Variants in HERC5 observed in about 807,000 individuals in gnomAD.
HERC5 encodes the protein E3 ISG15--protein ligase HERC5.
Under a neutral mutation model 119.6 loss-of-function variants are expected in HERC5, and 99 were observed. That is an observed-to-expected ratio of 0.83 (90% CI 0.70 to 0.98). The LOEUF is 0.98. Ranked by LOEUF, HERC5 falls within the 50% of genes least tolerant of loss-of-function variation. The probability of loss-of-function intolerance (pLI) is 0.00; values close to 1 mark genes in which losing one functional copy is unlikely to be tolerated. For synonymous variants in HERC5, 478 were observed against 445.9 expected, an observed-to-expected ratio of 1.07 and a Z score of -0.91; for missense variants, 1,267 against 1,241.3, an observed-to-expected ratio of 1.02 and a Z score of -0.31.
intron 13 of HERC5, among the ~76,000 whole-genome samples, chr4:88,484,637 CA>C: frequency 6.6e-6 from 1 of 152,268 alleles, no homozygotes; most frequent in Non-Finnish European, 1.5e-5. Flanking sequence ...ATTGATATGG[CA>C]GTGGAGGAAA....
Position 88,487,104 on chromosome 4 carries a change from C to T in HERC5, c.1887C>T (p.Phe629=), listed in dbSNP as rs933844831. The T allele has an allele frequency of 6.2e-7, 1 of 1,611,598 alleles. No individual in the cohort carries two copies. Among genetic ancestry groups the T allele is most frequent in the South Asian group, 1.1e-5 (1 of 90,842 alleles). The change falls in exon 15 of 23, where the codon TTC becomes TTT. Residue 629 remains phenylalanine (F), a synonymous_variant. Transcript: ENST00000264350. ...ASENVQCCVI[F]SHFPFIFNNL... ...AAAATGTACAATGCTGCGTCATATT[C>T]AGTCACTTTCCATTTATCTTTAATA...
At chr4:88,457,829 A>C in intron 1 of HERC5, 2 of 841,290 alleles carry the variant, frequency 2.4e-6, no homozygotes, top group East Asian at 4.0e-5. Context: ...TGGCTTTCTC[A>C]TAGGTTTCTG....
rs1175385256 is a variant in HERC5, at chr4:88,489,280, G to GAAC, written c.2078_2079insACA (p.Asp693delinsGluHis). On this transcript the variant is annotated protein_altering_variant, in exon 16 of 23. Transcript: ENST00000264350. The stretch of plus-strand genomic sequence containing the variant: ...AGTCAGAAGGAATCACTTGATTGAG[G>GAAC]ATGTTTTGAATCAGCTAAGTCAATT... 2 of 1,613,876 alleles carry GAAC rather than the reference G, an allele frequency of 1.2e-6. No individual in the cohort carries two copies. The highest frequency in any genetic ancestry group is 3.3e-5 in the Admixed American group (2 of 59,994).
At chr4:88,463,731 G>A in intron 5 of HERC5, 108 bp downstream of exon 5, 1 of 1,373,510 alleles carries the variant, frequency 7.3e-7, no homozygotes, top group Non-Finnish European at 1.0e-6. Context: ...ATGTAGGACT[G>A]TCCTTCTGAT....
At chr4:88,485,525 T>C (rs1248097531) in intron 13 of HERC5, among the ~76,000 whole-genome samples, 2 of 152,210 alleles carry the variant, frequency 1.3e-5, no homozygotes, top group Admixed American at 6.5e-5. Flanking sequence ...GATGAGTTTT[T>C]AGAAGACCAC....
At chr4:88,476,957 A>G (rs1194142933) in intron 12 of HERC5, among the ~76,000 whole-genome samples, 2 of 151,750 alleles carry the variant, frequency 1.3e-5, no homozygotes, top group Non-Finnish European at 2.9e-5. Context: ...TTACCCTGGC[A>G]TCATTATCAT....
rs564352851 is a variant in HERC5 at position 88,470,171 on chromosome 4, A to C, written c.1239-443A>C. Among the ~76,000 whole-genome samples the C allele has an allele frequency of 5.3e-5, 8 of 152,370 alleles. No individual in the cohort carries two copies. In the East Asian group the frequency reaches 7.7e-4, roughly 15 times the overall value. On this transcript the variant is annotated intron_variant, in intron 9 of 22. Coordinates refer to ENST00000264350, the MANE Select transcript of HERC5 (RefSeq NM_016323.4). The stretch of plus-strand genomic sequence containing the variant: ...AAAATAGTTGCATCATAATTTGCAG[A>C]GCATAAATAATTAAGAACTGTACAA...
At chr4:88,482,127 T>C (rs1290997612) in intron 13 of HERC5, among the ~76,000 whole-genome samples, 1 of 151,878 alleles carries the variant, frequency 6.6e-6, no homozygotes, top group African/African-American at 2.4e-5. Context: ...CTGACCAACA[T>C]AGTGAAACCT....
At chr4:88,491,378 C>A (rs540876572) in intron 16 of HERC5, among the ~76,000 whole-genome samples, 188 of 152,012 alleles carry the variant, frequency 1.2e-3, no homozygotes, top group African/African-American at 4.3e-3. Context: ...GGGTGGTAAA[C>A]AAAGTTTAAG....
At chr4:88,477,064 CT>C (rs35438949) in intron 12 of HERC5, among the ~76,000 whole-genome samples, 10,282 of 124,670 alleles carry the variant, frequency 0.082, 491 homozygotes, top group Non-Finnish European at 0.12. Context: ...GTATTTATAG[CT>C]TTTTTTTTTT....
chr4:88,464,033 C>G (rs748009334), intron 6 of HERC5, 48 bp downstream of exon 6: 3 of 1,493,434 alleles, frequency 2.0e-6, no homozygotes, highest in East Asian at 2.3e-5. Context: ...GTGCAGCAAA[C>G]TAGATAGTAA....
rs368438363 is a variant in HERC5, at chr4:88,470,557, G to T, written c.1239-57G>T. On this transcript the variant is annotated intron_variant, in intron 9 of 22. Coordinates refer to ENST00000264350, the MANE Select transcript of HERC5 (RefSeq NM_016323.4). ...CATGTCTCATGCTGTAAAGAAAGAG[G>T]CTGTATGTATGTATACCATGTGATT... 290 of 840,778 alleles carry T rather than the reference G, an allele frequency of 3.4e-4. 2 individuals are homozygous for T. The highest frequency in any genetic ancestry group is 1.4e-3 in the South Asian group (97 of 67,478). 52.1% of individuals were successfully genotyped at this position (840,778 alleles called of 1,614,324 possible).
At position 88,471,982 on chromosome 4, in the gene HERC5, TTTC is replaced by T. The variant is rs1208120507; in HGVS notation, c.1299-424_1299-422del. Among the ~76,000 whole-genome samples the T allele has an allele frequency of 4.4e-5, 6 of 137,484 alleles. No homozygotes were observed. The East Asian group carries it at 1.3e-3, about 30-fold the overall frequency. The allele number at this position is 137,484 out of a possible 152,430, so 90.2% of individuals were successfully genotyped here. A position where few individuals can be genotyped will look rare whatever the true frequency, so the allele number is the denominator to read the frequency against. On this transcript the variant is annotated intron_variant, in intron 10 of 22. Transcript: ENST00000264350. ...CCTCCCTCCCTCCTTCCCTTCCTTC[TTTC>T]TTTTCTTTTTTTCTTTCTTTCTTTT...
At chr4:88,471,755 C>T (rs1578047443) in intron 10 of HERC5, among the ~76,000 whole-genome samples, 1 of 151,968 alleles carries the variant, frequency 6.6e-6, no homozygotes, top group East Asian at 1.9e-4. Context: ...GGTCAGAAGC[C>T]CTCTCTTTTG....
chr4:88,504,315 A>G lies in HERC5; in HGVS notation c.2666A>G (p.Tyr889Cys), dbSNP rs1742039905. 9 of 1,613,240 alleles carry G rather than the reference A, an allele frequency of 5.6e-6. No individual in the cohort carries two copies. The highest frequency in any genetic ancestry group is 7.6e-6 in the Non-Finnish European group (9 of 1,179,364). ...AVYEEFRRGF[Y>C]KMCDEDIIKL... ...TATGAAGAATTTCGGAGAGGATTTT[A>G]TAAAATGTGCGACGAAGACATTATC... Residue 889 changes from tyrosine (Y) to cysteine (C), a missense_variant, in exon 21 of 23, where the codon TAT (tyrosine) becomes TGT (cysteine). Physicochemically the swap from Tyr to Cys is radical, Grantham distance 194. Coordinates refer to ENST00000264350, the MANE Select transcript of HERC5 (RefSeq NM_016323.4).
In HERC5 at chr4:88,499,960, A is replaced by G; in HGVS notation, c.2479A>G (p.Asn827Asp). Residue 827 changes from asparagine (N) to aspartate (D), a missense_variant, in exon 19 of 23, where the codon AAC (asparagine) becomes GAC (aspartate). Around this residue, in one of 3 missense-constraint regions of HERC5, gnomAD observed 473 missense variants for 445.7 expected, o/e 1.06. Transcript: ENST00000264350. ...LQTLLDDEGDNFEEVFYIHFN... is the reference protein window; with the variant it reads ...LQTLLDDEGDDFEEVFYIHFN... ...AACACTTCTGGATGATGAAGGTGAT[A>G]ACTTTGAGGAAGTATTTTACATCCA... 6.2e-7 allele frequency: 1 copy of G among 1,607,816 alleles called. No individual in the cohort carries two copies. The highest frequency in any genetic ancestry group is 2.2e-5 in the East Asian group (1 of 44,836).
chr4:88,459,537 A>G, intron 2 of HERC5, 67 bp downstream of exon 2: 1 of 1,043,560 alleles, frequency 9.6e-7, no homozygotes, highest in Non-Finnish European at 1.4e-6. Context: ...TTCTGTAGGA[A>G]ATATCTGATT....
intron 13 of HERC5, 48 bp downstream of exon 13, chr4:88,479,555 T>C: frequency 6.9e-7 from 1 of 1,447,350 alleles, no homozygotes; most frequent in Non-Finnish European, 9.2e-7. Flanking sequence ...GCTGTAAAAA[T>C]TCCCTTCCTT....
chr4:88,458,026 C>A, intron 1 of HERC5: 1 of 986,812 alleles, frequency 1.0e-6, no homozygotes, highest in Non-Finnish European at 1.2e-6. Flanking sequence ...AAATTTTGCC[C>A]ATCTGTGGAG....
Sources: allele counts gnomAD v4.1 joint callset (sites outside exome capture counted in the v4.1 genomes callset), GRCh38; gene constraint gnomAD v4.1.1; regional missense constraint gnomAD v4.1.1; transcripts MANE v1.5; gene names NCBI Gene and HGNC (gene_info 2026-07-23, HGNC 2026-07-21).